Variants in SH3GL3 observed in about 807,000 individuals in gnomAD.
SH3GL3 encodes the protein SH3 domain containing GRB2 like 3, endophilin A3, also known as endophilin-A3.
SH3GL3 carries 33 observed loss-of-function variants against 47.7 expected under a neutral mutation model. The observed-to-expected ratio is 0.69, with a 90% CI of 0.52 to 0.92. SH3GL3 has a LOEUF of 0.92. SH3GL3 is among the 40% of genes least tolerant of loss of function. The pLI is 0.00. For missense variants in SH3GL3, 363 were observed against 417.8 expected (o/e 0.87, Z 1.14); for synonymous variants, 155 against 148.8 (o/e 1.04, Z -0.30).
the SH3GL3 span, among the ~76,000 whole-genome samples, chr15:83,631,867 C>T: frequency 6.6e-6 from 1 of 152,220 alleles, no homozygotes; most frequent in Non-Finnish European, 1.5e-5. Flanking sequence ...ATTGCTTATA[C>T]AAATTTCTGA....
At chr15:83,621,604 G>A (rs1460873189), downstream of SH3GL3, among the ~76,000 whole-genome samples, 1 of 152,098 alleles carries the variant, frequency 6.6e-6, no homozygotes, top group African/African-American at 2.4e-5. Flanking sequence ...TTAATATATT[G>A]TAAGAATTAC....
the SH3GL3 span, among the ~76,000 whole-genome samples, chr15:83,632,645 C>T: frequency 7.2e-5 from 11 of 152,148 alleles, no homozygotes; most frequent in East Asian, 1.9e-4. Context: ...GAGTGAAGGT[C>T]GGGGAAATCC....
At chr15:83,615,163 A>G (rs2060781913) in intron 8 of SH3GL3, among the ~76,000 whole-genome samples, 2 of 152,148 alleles carry the variant, frequency 1.3e-5, no homozygotes, top group African/African-American at 4.8e-5. Context: ...AAAAGTATGA[A>G]CTAGTCAAAA....
chr15:83,513,460 G>A (rs1339742903), intron 1 of SH3GL3, among the ~76,000 whole-genome samples: 1 of 152,092 alleles, frequency 6.6e-6, no homozygotes, highest in African/African-American at 2.4e-5. Context: ...AGACGTGCTG[G>A]ACATCTGCAT....
At chr15:83,558,262 A>G (rs1482877448) in intron 1 of SH3GL3, among the ~76,000 whole-genome samples, 5 of 152,110 alleles carry the variant, frequency 3.3e-5, no homozygotes, top group African/African-American at 1.2e-4. Flanking sequence ...TCTGTGTTTG[A>G]TGAAGACTCT....
chr15:83,579,336 T>C (rs536454551), intron 6 of SH3GL3, among the ~76,000 whole-genome samples: 1 of 152,274 alleles, frequency 6.6e-6, no homozygotes, highest in South Asian at 2.1e-4. Context: ...GTTTCCCCTG[T>C]TCAGCTCTGG....
intron 8 of SH3GL3, among the ~76,000 whole-genome samples, chr15:83,591,847 G>A (rs1479174321): frequency 6.6e-6 from 1 of 152,018 alleles, no homozygotes; most frequent in Non-Finnish European, 1.5e-5. Flanking sequence ...TACCGTGCCT[G>A]GCTAATTTTT....
chr15:83,448,442 A>ATGTGTGTGTGTGTGTGTGTG lies in SH3GL3; in HGVS notation c.45+884_45+903dup, dbSNP rs71156081. Among the ~76,000 whole-genome samples, 282 of 140,722 alleles carry ATGTGTGTGTGTGTGTGTGTG rather than the reference A, an allele frequency of 2.0e-3. 2 individuals are homozygous for ATGTGTGTGTGTGTGTGTGTG. Among genetic ancestry groups the ATGTGTGTGTGTGTGTGTGTG allele is most frequent in the African/African-American group, 7.1e-3 (260 of 36,390 alleles). 92.3% of individuals were successfully genotyped at this position (140,722 alleles called of 152,430 possible). On this transcript the variant is annotated intron_variant, in intron 1 of 8. Transcript: ENST00000427482. This position sits in a 1 kb window ranked among gnomAD's most constrained non-coding sequence, Gnocchi z 4.2. ...AAACAGGAGGGGAGACATGAAATTG[A>ATGTGTGTGTGTGTGTGTGTG]TGTGTGTGTGTGTGTGTGTGTGTGT... is the stretch of plus-strand genomic sequence containing the variant.
Position 83,473,563 on chromosome 15 carries a change from T to C in SH3GL3, c.45+25985T>C, listed in dbSNP as rs917163527. Among the ~76,000 whole-genome samples, 53 of 151,712 alleles carry C rather than the reference T, an allele frequency of 3.5e-4. 1 individual carries two copies. The highest frequency in any genetic ancestry group is 1.2e-3 in the African/African-American group (50 of 41,440). The stretch of plus-strand genomic sequence containing the variant: ...ACATTTGTTGGGGCTTTTTTTTTTT[T>C]CTGAGACAGAGTCTCGCTCTGTCGC... On this transcript the variant is annotated intron_variant, in intron 1 of 8. Transcript: ENST00000427482.
Position 83,479,936 on chromosome 15 carries a change from A to G in SH3GL3, c.45+32358A>G, listed in dbSNP as rs145537972. The stretch of plus-strand genomic sequence containing the variant: ...GGGAATGAATTGAACTGATATGTGT[A>G]AGGCACTTGGTAGAATGCTTGCCAT... On this transcript the variant is annotated intron_variant, in intron 1 of 8. Transcript: ENST00000427482. Among the ~76,000 whole-genome samples, 16 of 152,350 alleles carry G rather than the reference A, an allele frequency of 1.1e-4. No individual in the cohort carries two copies. In the East Asian group the frequency reaches 2.9e-3, roughly 28 times the overall value.
chr15:83,594,291 T>C lies in SH3GL3; in HGVS notation c.838+5520T>C, dbSNP rs902219473. ...TTGTTAATATGGTGAATTACATTGTTAGTTAAATCAACCTTGCATCCCTAG... is the reference window on the plus strand; with the variant it reads ...TTGTTAATATGGTGAATTACATTGTCAGTTAAATCAACCTTGCATCCCTAG... On this transcript the variant is annotated intron_variant, in intron 8 of 8. Coordinates refer to ENST00000427482, the MANE Select transcript of SH3GL3 (RefSeq NM_003027.5). 2.6e-5 allele frequency among the ~76,000 whole-genome samples: 4 copies of C among 152,360 alleles called. No individual in the cohort carries two copies. In the South Asian group the frequency reaches 8.3e-4, roughly 32 times the overall value.
intron 6 of SH3GL3, among the ~76,000 whole-genome samples, chr15:83,579,423 T>C (rs2059771978): frequency 6.6e-6 from 1 of 152,188 alleles, no homozygotes; most frequent in Non-Finnish European, 1.5e-5. Flanking sequence ...CTTCTACTTC[T>C]GCCATTGAGG....
chr15:83,583,200 C>T (rs1451373989), intron 6 of SH3GL3, among the ~76,000 whole-genome samples: 1 of 152,172 alleles, frequency 6.6e-6, no homozygotes, highest in East Asian at 1.9e-4. Flanking sequence ...AGACCCCAGG[C>T]GTCTGGACAG....
At chr15:83,610,006 T>C (rs760790208) in intron 8 of SH3GL3, among the ~76,000 whole-genome samples, 2 of 152,216 alleles carry the variant, frequency 1.3e-5, no homozygotes, top group African/African-American at 2.4e-5. Flanking sequence ...GAACTCAGGC[T>C]GAAGAAGGCA....
chr15:83,617,619 T>A (rs959009993), intron 8 of SH3GL3, among the ~76,000 whole-genome samples: 8 of 152,112 alleles, frequency 5.3e-5, no homozygotes, highest in Non-Finnish European at 1.2e-4. Context: ...GAGGTTACAG[T>A]AAGCCAGGAT....
At position 83,447,550 on chromosome 15, in the gene SH3GL3, TGAA is replaced by T. The variant is rs1217125893; in HGVS notation, c.22_24del (p.Lys8del). 1 of 1,506,008 alleles carries T rather than the reference TGAA, an allele frequency of 6.6e-7. No individual in the cohort carries two copies. The highest frequency in any genetic ancestry group is 2.9e-5 in the East Asian group (1 of 34,478). The allele number at this position is 1,506,008 out of a possible 1,614,324, so 93.3% of individuals were successfully genotyped here. ...GCAGTCGCGATGTCGGTGGCCGGGC[TGAA>T]GAAGCAGTTCCACAAAGCCAGCCAG... On this transcript the variant is annotated inframe_deletion, in exon 1 of 9. Coordinates refer to ENST00000427482, the MANE Select transcript of SH3GL3 (RefSeq NM_003027.5). The surrounding 1 kb of genome is among the most constrained non-coding windows in gnomAD (Gnocchi z 5.1).
the SH3GL3 span, among the ~76,000 whole-genome samples, chr15:83,629,619 A>T: frequency 9.1e-4 from 139 of 152,310 alleles, no homozygotes; most frequent in African/African-American, 3.2e-3. Flanking sequence ...CAGGAGTTCA[A>T]GACCAGGCTG....
At chr15:83,450,149 T>A (rs1224695971) in intron 1 of SH3GL3, among the ~76,000 whole-genome samples, 1 of 152,204 alleles carries the variant, frequency 6.6e-6, no homozygotes, top group African/African-American at 2.4e-5. Context: ...GTATGATGAC[T>A]CAGGGAATTT....
chr15:83,513,979 T>G (rs975780521), intron 1 of SH3GL3, among the ~76,000 whole-genome samples: 6 of 152,128 alleles, frequency 3.9e-5, no homozygotes, highest in Non-Finnish European at 8.8e-5. Context: ...AAACAACTAG[T>G]CCATGAGGAT....
Sources: gnomAD v4.1 joint callset for allele counts (sites outside exome capture counted in the v4.1 genomes callset) on GRCh38, gnomAD v4.1.1 for gene constraint, Gnocchi (gnomAD v3.1) non-coding constraint, MANE v1.5 for transcripts, NCBI Gene and HGNC (gene_info 2026-07-23, HGNC 2026-07-21) for gene names.